Variants in ADGB observed in about 807,000 individuals in gnomAD.
ADGB encodes calpain-7-like protein.
In ADGB, 172 loss-of-function variants were observed where a neutral mutation model predicts 210.5. The ratio of observed to expected loss-of-function variants is 0.82; its 90% confidence interval spans 0.72 to 0.93. ADGB has a LOEUF of 0.93. Ranked by LOEUF, ADGB falls within the 40% of genes least tolerant of loss-of-function variation. The pLI, the probability that ADGB is intolerant of heterozygous loss-of-function variation, is 0.00. For synonymous variants in ADGB, 658 were observed against 662.7 expected (o/e 0.99, Z 0.11); for missense variants, 2,025 against 1,964.8 (o/e 1.03, Z -0.58).
chr6:146,724,339 C>T lies in ADGB; in HGVS notation c.2237+12C>T. The T allele has an allele frequency of 6.7e-7, 1 of 1,496,270 alleles. No individual in the cohort carries two copies. Among genetic ancestry groups the T allele is most frequent in the Non-Finnish European group, 8.9e-7 (1 of 1,123,934 alleles). The allele number at this position is 1,496,270 out of a possible 1,614,324, so 92.7% of individuals were successfully genotyped here. A position where few individuals can be genotyped will look rare whatever the true frequency, so the allele number is the denominator to read the frequency against. On this transcript the variant is annotated intron_variant, in intron 18 of 35. Transcript: ENST00000397944. Reference sequence around the variant, plus strand: ...CGTCTGCCTGTTGGGTATGAAGTGGCTTCATTTTTCCCATAATAAAAATTG... The same window carrying T: ...CGTCTGCCTGTTGGGTATGAAGTGGTTTCATTTTTCCCATAATAAAAATTG...
At position 146,769,889 on chromosome 6, in the gene ADGB, G is replaced by A. The variant is rs532626321; in HGVS notation, c.3862+758G>A. Among the ~76,000 whole-genome samples the A allele has an allele frequency of 2.6e-4, 40 of 152,280 alleles. 1 individual carries two copies. The South Asian group carries it at 6.8e-3, about 26-fold the overall frequency. On this transcript the variant is annotated intron_variant, in intron 29 of 35. Coordinates refer to ENST00000397944, the MANE Select transcript of ADGB (RefSeq NM_024694.4). ...CAAACACTTGATGGTAGCCACCACC[G>A]AAGTGGGCTTTGTCATCATTCAGAA... is the stretch of plus-strand genomic sequence containing the variant.
intron 1 of ADGB, among the ~76,000 whole-genome samples, chr6:146,634,305 G>T (rs188417221): frequency 1.3e-5 from 2 of 152,132 alleles, no homozygotes; most frequent in East Asian, 1.9e-4. Context: ...GCCTAGCAAC[G>T]GATATCTTAG....
intron 13 of ADGB, among the ~76,000 whole-genome samples, chr6:146,709,799 G>C (rs1443223584): frequency 6.6e-6 from 1 of 152,052 alleles, no homozygotes; most frequent in Non-Finnish European, 1.5e-5. Context: ...CCTGGGATTG[G>C]GAGTGATGTG....
intron 27 of ADGB, among the ~76,000 whole-genome samples, chr6:146,761,676 G>C (rs1010587323): frequency 2.0e-5 from 3 of 151,924 alleles, no homozygotes; most frequent in African/African-American, 7.3e-5. Context: ...TTTATTTTTA[G>C]TGGTGCTCTA....
Position 146,787,979 on chromosome 6 carries a change from A to C in ADGB, c.4316-410A>C, listed in dbSNP as rs762780311. 8.2e-4 allele frequency among the ~76,000 whole-genome samples: 125 copies of C among 152,168 alleles called. 1 individual carries two copies. The highest frequency in any genetic ancestry group is 1.4e-3 in the Non-Finnish European group (94 of 68,024). The stretch of plus-strand genomic sequence containing the variant: ...AAAGAGCTCTGTTCAGCTCTATTTT[A>C]AGACAATTTTAAATAAATGTCTGCA... On this transcript the variant is annotated intron_variant, in intron 32 of 35. Transcript: ENST00000397944.
At chr6:146,768,950 A>G (rs777557050) in intron 28 of ADGB, 70 bp from the exon 29 acceptor site, 1 of 778,380 alleles carries the variant, frequency 1.3e-6, no homozygotes, top group Non-Finnish European at 2.0e-6. Flanking sequence ...TGTACCTAGC[A>G]TAATAAATGA....
At chr6:146,738,438 CTTTTTTTTTTTTTTTT>C (rs71031008) in intron 23 of ADGB, among the ~76,000 whole-genome samples, 1 of 71,332 alleles carries the variant, frequency 1.4e-5, no homozygotes, top group African/African-American at 4.9e-5. Context: ...CCCATTTCAT[CTTTTTTTTTTTTTTTT>C]TTTTTTTTTT....
chr6:146,602,762 CT>C (rs1262157809), intron 1 of ADGB, among the ~76,000 whole-genome samples: 1 of 152,172 alleles, frequency 6.6e-6, no homozygotes. Context: ...ACATTTCCCC[CT>C]GAGCTCCTCA....
rs1380599730 is a variant in ADGB, at chr6:146,690,977, A to T, written c.1312-139A>T. The T allele has an allele frequency of 1.2e-5, 6 of 517,366 alleles. No individual in the cohort carries two copies. The East Asian group carries it at 1.7e-4, about 14-fold the overall frequency. 32.0% of individuals were successfully genotyped at this position (517,366 alleles called of 1,614,324 possible). On this transcript the variant is annotated intron_variant, in intron 10 of 35. Transcript: ENST00000397944. ...AAATACAAATGATAATAATGCTTAT[A>T]TTAAGAGAGGTAGAGATATTGGGTG...
At chr6:146,666,970 C>T in intron 7 of ADGB, 68 bp downstream of exon 7, 1 of 1,268,370 alleles carries the variant, frequency 7.9e-7, no homozygotes, top group South Asian at 1.5e-5. Context: ...TAAAATATTC[C>T]TAGCCTTTAA....
rs889588778 is a variant in ADGB at position 146,656,716 on chromosome 6, T to G, written c.403-55T>G. ...TTTTTTACTGTTTTTATCCCTAAAT[T>G]ACAGTACCTACAACTGAAAAATAAC... is the stretch of plus-strand genomic sequence containing the variant. On this transcript the variant is annotated intron_variant, in intron 4 of 35. Coordinates refer to ENST00000397944, the MANE Select transcript of ADGB (RefSeq NM_024694.4). 1.1e-5 allele frequency: 14 copies of G among 1,240,578 alleles called. No individual in the cohort carries two copies. In the Admixed American group the frequency reaches 1.5e-4, roughly 14 times the overall value. The allele number at this position is 1,240,578 out of a possible 1,614,324, so 76.8% of individuals were successfully genotyped here. A position where few individuals can be genotyped will look rare whatever the true frequency, so the allele number is the denominator to read the frequency against.
intron 1 of ADGB, among the ~76,000 whole-genome samples, chr6:146,634,985 G>A (rs960173305): frequency 2.0e-5 from 3 of 151,898 alleles, no homozygotes; most frequent in African/African-American, 4.8e-5. Flanking sequence ...CAAAGTATAT[G>A]CAAAATGACT....
intron 12 of ADGB, among the ~76,000 whole-genome samples, chr6:146,697,865 A>G (rs1235183043): frequency 6.6e-6 from 1 of 152,226 alleles, no homozygotes; most frequent in Admixed American, 6.5e-5. Flanking sequence ...AGCCAAAGAC[A>G]AATATAATGC....
intron 10 of ADGB, among the ~76,000 whole-genome samples, chr6:146,689,244 T>C (rs888066183): frequency 6.6e-6 from 1 of 152,158 alleles, no homozygotes; most frequent in African/African-American, 2.4e-5. Context: ...TCAGGCACTA[T>C]TGTAAATCTC....
intron 13 of ADGB, among the ~76,000 whole-genome samples, chr6:146,713,726 T>C (rs117498119): frequency 0.023 from 3,541 of 152,272 alleles, 60 homozygotes; most frequent in Middle Eastern, 0.061. Flanking sequence ...TATCCTTTGA[T>C]GTACAGAAGT....
intron 7 of ADGB, among the ~76,000 whole-genome samples, chr6:146,668,346 G>A (rs1775964315): frequency 6.6e-6 from 1 of 152,060 alleles, no homozygotes; most frequent in South Asian, 2.1e-4. Context: ...TTGAAGACAG[G>A]CCCTAGTAAC....
At chr6:146,694,506 T>A (rs1356950223) in intron 12 of ADGB, among the ~76,000 whole-genome samples, 2 of 152,192 alleles carry the variant, frequency 1.3e-5, no homozygotes, top group South Asian at 4.1e-4. Flanking sequence ...GATCTCAACA[T>A]ATAAATTTGA....
At chr6:146,720,113 T>C (rs911194499) in intron 16 of ADGB, among the ~76,000 whole-genome samples, 16 of 152,154 alleles carry the variant, frequency 1.1e-4, no homozygotes, top group African/African-American at 3.6e-4. Flanking sequence ...ATAGTATAAT[T>C]CAATTAAGTT....
intron 1 of ADGB, among the ~76,000 whole-genome samples, chr6:146,620,967 A>G (rs752360031): frequency 6.6e-6 from 1 of 152,134 alleles, no homozygotes; most frequent in South Asian, 2.1e-4. Context: ...TGACTCTTAA[A>G]CACTGCTCTA....
Sources: gnomAD v4.1 joint callset for allele counts (sites outside exome capture counted in the v4.1 genomes callset) on GRCh38, gnomAD v4.1.1 for gene constraint, MANE v1.5 for transcripts, NCBI Gene and HGNC (gene_info 2026-07-23, HGNC 2026-07-21) for gene names.